UQCRFS1: variants seen among roughly 807,000 people sequenced by gnomAD.
UQCRFS1 encodes ubiquinol-cytochrome c reductase, Rieske iron-sulfur polypeptide 1.
Under a neutral mutation model 15.6 loss-of-function variants are expected in UQCRFS1, and 6 were observed. The observed-to-expected ratio is 0.38, with a 90% CI of 0.21 to 0.76. The LOEUF is 0.76. Ranked by LOEUF, UQCRFS1 falls within the 30% of genes least tolerant of loss-of-function variation. The pLI is 0.44. For synonymous variants in UQCRFS1, 105 were observed against 154.3 expected (o/e 0.68, Z 2.37); for missense variants, 203 against 366.7 (o/e 0.55, Z 3.65).
intron 1 of UQCRFS1, among the ~76,000 whole-genome samples, chr19:29,208,410 C>T (rs1976614116): frequency 6.6e-6 from 1 of 152,218 alleles, no homozygotes; most frequent in African/African-American, 2.4e-5. Flanking sequence ...AAATTGAGCT[C>T]CCCCTAGTTG....
rs936417709 is a variant in UQCRFS1 at position 29,206,031 on chromosome 19, T to C, written c.*1517A>G. 2.0e-5 allele frequency: 3 copies of C among 152,178 alleles called. No homozygotes were observed. Among genetic ancestry groups the C allele is most frequent in the Non-Finnish European group, 2.9e-5 (2 of 68,052 alleles). 9.4% of individuals were successfully genotyped at this position (152,178 alleles called of 1,614,324 possible). A position where few individuals can be genotyped will look rare whatever the true frequency, so the allele number is the denominator to read the frequency against. Reference sequence around the variant, plus strand: ...GATATAGGTTATCAGTATTTCTCTATAGGGAGGGGGTGCTGTTGACATTTT... The same window carrying C: ...GATATAGGTTATCAGTATTTCTCTACAGGGAGGGGGTGCTGTTGACATTTT... On this transcript the variant is annotated 3_prime_UTR_variant, in exon 2 of 2. Coordinates refer to ENST00000304863, the MANE Select transcript of UQCRFS1 (RefSeq NM_006003.3).
rs1271184818 is a variant in UQCRFS1, at chr19:29,206,508, A to G, written c.*1040T>C. On this transcript the variant is annotated 3_prime_UTR_variant, in exon 2 of 2. Coordinates refer to ENST00000304863, the MANE Select transcript of UQCRFS1 (RefSeq NM_006003.3). Reference sequence around the variant, plus strand: ...AAAGTGACTGTGATTCTCAAAGGACAAAGCCCACTCCCAACTCCCAGGGGA... The same window carrying G: ...AAAGTGACTGTGATTCTCAAAGGACGAAGCCCACTCCCAACTCCCAGGGGA... 6.6e-6 allele frequency: 1 copy of G among 152,244 alleles called. No individual in the cohort carries two copies. Among genetic ancestry groups the G allele is most frequent in the African/African-American group, 2.4e-5 (1 of 41,456 alleles). 9.4% of individuals were successfully genotyped at this position (152,244 alleles called of 1,614,324 possible).
rs1031332395 is a variant in UQCRFS1 at position 29,211,734 on chromosome 19, C to A, written c.214+1171G>T. On this transcript the variant is annotated intron_variant, in intron 1 of 1. Coordinates refer to ENST00000304863, the MANE Select transcript of UQCRFS1 (RefSeq NM_006003.3). Reference sequence around the variant, plus strand: ...GTAAGGAAAACATATGGACATGTAGCAACTTAGTGGAAGGACCATGAAGAA... The same window carrying A: ...GTAAGGAAAACATATGGACATGTAGAAACTTAGTGGAAGGACCATGAAGAA... Among the ~76,000 whole-genome samples, 4 of 152,120 alleles carry A rather than the reference C, an allele frequency of 2.6e-5. No individual in the cohort carries two copies. The East Asian group carries it at 7.7e-4, about 29-fold the overall frequency.
At chr19:29,212,384 G>A (rs895240934) in intron 1 of UQCRFS1, among the ~76,000 whole-genome samples, 2 of 145,712 alleles carry the variant, frequency 1.4e-5, no homozygotes, top group African/African-American at 5.1e-5. Flanking sequence ...TGTTTTTTTT[G>A]TTTTTTTTTT....
At chr19:29,208,294 T>A in intron 1 of UQCRFS1, 136 bp from the exon 2 acceptor site, 2 of 1,222,922 alleles carry the variant, frequency 1.6e-6, no homozygotes, top group South Asian at 3.3e-5. Context: ...ACTCACTGGG[T>A]CTCAGAAATA....
chr19:29,210,731 T>C (rs1976638026), intron 1 of UQCRFS1, among the ~76,000 whole-genome samples: 1 of 152,230 alleles, frequency 6.6e-6, no homozygotes, highest in Admixed American at 6.5e-5. Flanking sequence ...GGTGTATATG[T>C]GCCACATTTT....
At chr19:29,209,458 G>A (rs767223364) in intron 1 of UQCRFS1, among the ~76,000 whole-genome samples, 1 of 152,106 alleles carries the variant, frequency 6.6e-6, no homozygotes, top group Non-Finnish European at 1.5e-5. Flanking sequence ...CTTTTCACAT[G>A]ATTCTCAAGG....
chr19:29,210,251 A>G (rs1413023869), intron 1 of UQCRFS1, among the ~76,000 whole-genome samples: 1 of 152,150 alleles, frequency 6.6e-6, no homozygotes, highest in African/African-American at 2.4e-5. Context: ...GACAGACTAT[A>G]ATGTGAACTT....
Position 29,205,990 on chromosome 19 carries a change from C to T in UQCRFS1, c.*1558G>A, listed in dbSNP as rs1222799913. On this transcript the variant is annotated 3_prime_UTR_variant, in exon 2 of 2. Coordinates refer to ENST00000304863, the MANE Select transcript of UQCRFS1 (RefSeq NM_006003.3). ...TGCCATGTAGAATTTCAAGGTATCA[C>T]TTCAGGGTGGGAGGTGATATAGGTT... is the stretch of plus-strand genomic sequence containing the variant. 6.6e-6 allele frequency: 1 copy of T among 152,286 alleles called. No individual in the cohort carries two copies. The highest frequency in any genetic ancestry group is 1.5e-5 in the Non-Finnish European group (1 of 68,034). The allele number at this position is 152,286 out of a possible 1,614,324, so 9.4% of individuals were successfully genotyped here.
intron 1 of UQCRFS1, 127 bp from the exon 2 acceptor site, chr19:29,208,285 C>T (rs1353139082): frequency 1.6e-6 from 2 of 1,258,714 alleles, no homozygotes; most frequent in African/African-American, 1.5e-5. Flanking sequence ...AAATATGGCA[C>T]TCACTGGGTC....
intron 1 of UQCRFS1, among the ~76,000 whole-genome samples, chr19:29,209,456 A>G (rs1342921413): frequency 6.6e-6 from 1 of 152,176 alleles, no homozygotes; most frequent in Non-Finnish European, 1.5e-5. Flanking sequence ...TGCTTTTCAC[A>G]TGATTCTCAA....
At chr19:29,212,770 C>G in intron 1 of UQCRFS1, 135 bp downstream of exon 1, 1 of 959,730 alleles carries the variant, frequency 1.0e-6, no homozygotes, top group Non-Finnish European at 1.4e-6. Context: ...GGGGCCAGGC[C>G]CAGAGTTGCG....
intron 1 of UQCRFS1, among the ~76,000 whole-genome samples, chr19:29,210,096 A>G (rs1976629277): frequency 6.6e-6 from 1 of 152,222 alleles, no homozygotes; most frequent in Non-Finnish European, 1.5e-5. Context: ...AAGGAATTTT[A>G]ACAAAACAAG....
intron 1 of UQCRFS1, among the ~76,000 whole-genome samples, chr19:29,212,233 C>T (rs1369415480): frequency 4.7e-5 from 7 of 149,050 alleles, no homozygotes; most frequent in Non-Finnish European, 1.1e-4. Context: ...TCCCTGCTAC[C>T]ACATGTCCAC....
chr19:29,210,149 A>T (rs1214207492), intron 1 of UQCRFS1, among the ~76,000 whole-genome samples: 1 of 152,312 alleles, frequency 6.6e-6, no homozygotes, highest in Admixed American at 6.5e-5. Context: ...GGAAATCTGC[A>T]TGAAAATAGT....
chr19:29,207,584 A>G lies in UQCRFS1; in HGVS notation c.789T>C (p.Tyr263=). 6.2e-7 allele frequency: 1 copy of G among 1,613,598 alleles called. No homozygotes were observed. The highest frequency in any genetic ancestry group is 1.1e-5 in the South Asian group (1 of 91,052). The change falls in exon 2 of 2, where the codon TAT becomes TAC. Residue 263 remains tyrosine, a synonymous_variant. Transcript: ENST00000304863. The part of the protein sequence containing the change: ...PAPLNLEVPT[Y]EFTSDDMVIV... ...TCACCATATCGTCACTGGTGAACTC[A>G]TACGTGGGGACTTCAAGGTTGAGAG...
chr19:29,208,095 C>T lies in UQCRFS1; in HGVS notation c.278G>A (p.Arg93His), dbSNP rs148167893. The T allele has an allele frequency of 6.8e-6, 11 of 1,614,062 alleles. No individual in the cohort carries two copies. In the South Asian group the frequency reaches 7.7e-5, roughly 11 times the overall value. The change falls in exon 2 of 2, where the codon CGC (arginine) becomes CAC (histidine). Residue 93 changes from arginine (R) to histidine (H), a missense_variant. By Grantham distance (29) the Arg-to-His change is conservative. Coordinates refer to ENST00000304863, the MANE Select transcript of UQCRFS1 (RefSeq NM_006003.3). ...IKVPDFSEYR[R>H]LEVLDSTKSS... ...CTTCGTACTATCTAAAACTTCAAGG[C>T]GGCGGTATTCAGAGAAGTCAGGCAC...
At position 29,212,851 on chromosome 19, in the gene UQCRFS1, G is replaced by A. The variant is rs1010261232; in HGVS notation, c.214+54C>T. On this transcript the variant is annotated intron_variant, in intron 1 of 1. Transcript: ENST00000304863. ...CGGCCGCTCCCTGCTGGGGGCCGGA[G>A]GAGCGGGCACCGAGAGACCCCCAGC... The A allele has an allele frequency of 6.1e-5, 83 of 1,361,756 alleles. No homozygotes were observed. The Admixed American group carries it at 7.1e-4, about 12-fold the overall frequency. The allele number at this position is 1,361,756 out of a possible 1,614,324, so 84.4% of individuals were successfully genotyped here. A position where few individuals can be genotyped will look rare whatever the true frequency, so the allele number is the denominator to read the frequency against.
At chr19:29,208,677 C>T (rs186267193) in intron 1 of UQCRFS1, among the ~76,000 whole-genome samples, 3 of 152,142 alleles carry the variant, frequency 2.0e-5, no homozygotes, top group African/African-American at 7.2e-5. Flanking sequence ...TCTATGTTCT[C>T]GGAAAAAACT....
Sources: allele counts gnomAD v4.1 joint callset (sites outside exome capture counted in the v4.1 genomes callset), GRCh38; gene constraint gnomAD v4.1.1; transcripts MANE v1.5; gene names NCBI Gene and HGNC (gene_info 2026-07-23, HGNC 2026-07-21).